DDX17: variants seen among roughly 807,000 people sequenced by gnomAD.
DDX17 encodes the protein probable ATP-dependent RNA helicase DDX17.
DDX17 carries 10 observed loss-of-function variants against 80.8 expected under a neutral mutation model. The ratio of observed to expected loss-of-function variants is 0.12; its 90% CI spans 0.08 to 0.21. DDX17 has a LOEUF of 0.21. Among genes scored for constraint, DDX17 ranks in the 10% least tolerant of loss-of-function variants. The pLI, the probability that DDX17 is intolerant of heterozygous loss-of-function variation, is 1.00. For missense variants in DDX17, 586 were observed against 957.4 expected, an observed-to-expected ratio of 0.61 and a Z score of 5.12; for synonymous variants, 339 against 336.2, an observed-to-expected ratio of 1.01 and a Z score of -0.09.
intron 6 of DDX17, 148 bp downstream of exon 6, chr22:38,495,648 A>T: frequency 1.7e-6 from 1 of 587,422 alleles, no homozygotes; most frequent in Non-Finnish European, 2.8e-6. Context: ...CTTCTCTCTC[A>T]AAATAGCTGT....
intron 2 of DDX17, 124 bp downstream of exon 2, chr22:38,501,006 T>C: frequency 7.6e-7 from 1 of 1,324,164 alleles, no homozygotes; most frequent in Admixed American, 3.2e-5. Flanking sequence ...AAAAAATTTT[T>C]TAAGAAAAAT....
At position 38,493,646 on chromosome 22, in the gene DDX17, C is replaced by T. The variant is rs2089734082; in HGVS notation, c.1387+64G>A. On this transcript the variant is annotated intron_variant, in intron 10 of 12. Transcript: ENST00000403230. ...AAGTTTGCCTATCCCTGAAATAGAG[C>T]ATGAACATTCACTTATGGGCAGGGG... 4.6e-6 allele frequency: 6 copies of T among 1,316,042 alleles called. No homozygotes were observed. In the Admixed American group the frequency reaches 8.7e-5, roughly 19 times the overall value. The allele number at this position is 1,316,042 out of a possible 1,614,324, so 81.5% of individuals were successfully genotyped here. A position where few individuals can be genotyped will look rare whatever the true frequency, so the allele number is the denominator to read the frequency against.
At position 38,486,077 on chromosome 22, in the gene DDX17, C is replaced by T; in HGVS notation, c.2048G>A (p.Gly683Asp). The change falls in exon 13 of 13, where the codon GGC becomes GAC. Residue 683 changes from glycine (G) to aspartate (D), a missense_variant. Physicochemically the swap from Gly to Asp is moderately conservative, Grantham distance 94 (BLOSUM62 -1). Transcript: ENST00000403230. ...TGGCTGTGGCTGCTGCCCAGACCGG[C>T]CTATCCCACTAAACTGCTGGCTAGA... 1.2e-6 allele frequency: 2 copies of T among 1,614,082 alleles called. No homozygotes were observed. The highest frequency in any genetic ancestry group is 8.5e-7 in the Non-Finnish European group (1 of 1,180,008).
At chr22:38,498,821 AG>A (rs1887401612) in intron 3 of DDX17, among the ~76,000 whole-genome samples, 1 of 152,188 alleles carries the variant, frequency 6.6e-6, no homozygotes, top group African/African-American at 2.4e-5. Context: ...GTTCCAGACC[AG>A]CCTGGTCAAC....
Position 38,506,281 on chromosome 22 carries a change from T to C in DDX17, c.-44A>G, listed in dbSNP as rs2089883859. 3.9e-6 allele frequency: 6 copies of C among 1,523,578 alleles called. No individual in the cohort carries two copies. The highest frequency in any genetic ancestry group is 5.3e-6 in the Non-Finnish European group (6 of 1,139,348). 94.4% of individuals were successfully genotyped at this position (1,523,578 alleles called of 1,614,324 possible). ...CGGGCAGTGCCGCGGTTTAGGCGTC[T>C]CCTTCCTTCCCAGCGACTGCACAAA... On this transcript the variant is annotated 5_prime_UTR_variant, in exon 1 of 13. Transcript: ENST00000403230.
intron 1 of DDX17, among the ~76,000 whole-genome samples, chr22:38,501,894 T>A (rs2089834343): frequency 6.6e-6 from 1 of 152,224 alleles, no homozygotes; most frequent in Non-Finnish European, 1.5e-5. Context: ...GTAACAGACA[T>A]GCAGGCAAAG....
At chr22:38,499,636 T>C (rs897178785) in intron 2 of DDX17, 137 bp from the exon 3 acceptor site, 4 of 669,656 alleles carry the variant, frequency 6.0e-6, no homozygotes, top group Non-Finnish European at 1.0e-5. Context: ...TACTTTCATG[T>C]GTATCACTTT....
intron 1 of DDX17, among the ~76,000 whole-genome samples, chr22:38,504,849 G>GCCT (rs1404344446): frequency 6.6e-6 from 1 of 152,066 alleles, no homozygotes; most frequent in Non-Finnish European, 1.5e-5. Context: ...GCTCACAAAA[G>GCCT]GTAGGATCTT....
At chr22:38,503,454 G>C (rs2089850450) in intron 1 of DDX17, among the ~76,000 whole-genome samples, 1 of 151,808 alleles carries the variant, frequency 6.6e-6, no homozygotes, top group Admixed American at 6.6e-5. Context: ...TACTTCCCTG[G>C]CTATTTATTC....
chr22:38,500,175 C>CAA (rs138451), intron 2 of DDX17, among the ~76,000 whole-genome samples: 114,616 of 132,040 alleles, frequency 0.87, 49,499 homozygotes, highest in South Asian at 0.92. Flanking sequence ...GACTTCACCT[C>CAA]AAAAAAAAAA....
chr22:38,504,103 C>G (rs977515260), intron 1 of DDX17, among the ~76,000 whole-genome samples: 3 of 152,182 alleles, frequency 2.0e-5, no homozygotes, highest in Non-Finnish European at 2.9e-5. Context: ...CTTGTAGCCC[C>G]TCTATGTGCC....
Position 38,486,155 on chromosome 22 carries a change from G to A in DDX17, c.1970C>T (p.Ala657Val). The stretch of plus-strand genomic sequence containing the variant: ...GGTGCTACTAGCTCCATAAGTGCCA[G>A]CACCATATTCTTGAGCTGTATAGCT... The change falls in exon 13 of 13, where the codon GCT becomes GTT. Residue 657 changes from alanine to valine, a missense_variant. Physicochemically the swap from Ala to Val is moderately conservative, Grantham distance 64. Transcript: ENST00000403230. 4.3e-6 allele frequency: 7 copies of A among 1,614,216 alleles called. No individual in the cohort carries two copies. Among genetic ancestry groups the A allele is most frequent in the Non-Finnish European group, 5.9e-6 (7 of 1,180,050 alleles).
chr22:38,505,871 G>T, intron 1 of DDX17, 80 bp downstream of exon 1: 1 of 1,486,540 alleles, frequency 6.7e-7, no homozygotes, highest in Non-Finnish European at 9.0e-7. Context: ...AGGCTCCCAG[G>T]CTCGCAGTCC....
At chr22:38,497,382 C>T (rs1013155428) in intron 5 of DDX17, among the ~76,000 whole-genome samples, 2 of 145,058 alleles carry the variant, frequency 1.4e-5, no homozygotes, top group Non-Finnish European at 1.5e-5. Flanking sequence ...CTTGGGGAGG[C>T]CGAGGCAGGC....
At position 38,484,642 on chromosome 22, in the gene DDX17, T is replaced by C. The variant is rs2089636677; in HGVS notation, c.*1293A>G. ...GAACACAATAGCAGAAAATTCTTTCTGGGTCCATCTGCTATAAAGTCTTGG... is the reference window on the plus strand; with the variant it reads ...GAACACAATAGCAGAAAATTCTTTCCGGGTCCATCTGCTATAAAGTCTTGG... On this transcript the variant is annotated 3_prime_UTR_variant, in exon 13 of 13. Coordinates refer to ENST00000403230, the MANE Select transcript of DDX17 (RefSeq NM_006386.5). 1 of 152,242 alleles carries C rather than the reference T, an allele frequency of 6.6e-6. No homozygotes were observed. The highest frequency in any genetic ancestry group is 1.9e-4 in the East Asian group (1 of 5,202). The allele number at this position is 152,242 out of a possible 1,614,324, so 9.4% of individuals were successfully genotyped here.
intron 5 of DDX17, among the ~76,000 whole-genome samples, chr22:38,496,697 G>A (rs538407940): frequency 6.6e-6 from 1 of 152,222 alleles, no homozygotes; most frequent in Non-Finnish European, 1.5e-5. Flanking sequence ...CTGGCAGAAT[G>A]ACACATTCCT....
Position 38,489,101 on chromosome 22 carries a change from CAA to C in DDX17, c.1448-988_1448-987del. The C allele has an allele frequency of 1.0e-6, 1 of 984,100 alleles. No homozygotes were observed. Among genetic ancestry groups the C allele is most frequent in the Non-Finnish European group, 1.2e-6 (1 of 828,782 alleles). 61.0% of individuals were successfully genotyped at this position (984,100 alleles called of 1,614,324 possible). On this transcript the variant is annotated intron_variant, in intron 11 of 12. Coordinates refer to ENST00000403230, the MANE Select transcript of DDX17 (RefSeq NM_006386.5). The surrounding 1 kb of genome is among the most constrained non-coding windows in gnomAD (Gnocchi z 4.6). ...TAAACAAACAATTTTAAGAATATAA[CAA>C]AGAATCCTACTGTTTTGTGGAAAAA... is the stretch of plus-strand genomic sequence containing the variant.
intron 3 of DDX17, among the ~76,000 whole-genome samples, chr22:38,498,921 A>G (rs905072657): frequency 6.6e-6 from 1 of 152,198 alleles, no homozygotes; most frequent in Non-Finnish European, 1.5e-5. Flanking sequence ...AGGGTGAAGC[A>G]GAATCGCATG....
intron 8 of DDX17, chr22:38,494,350 C>CCATTTCACAGATGAAGAAA: frequency 3.4e-6 from 2 of 586,534 alleles, no homozygotes; most frequent in Non-Finnish European, 5.9e-6. Flanking sequence ...GGTATTACTC[C>CCATTTCACAGATGAAGAAA]CATTTCACAG....
Sources: allele counts gnomAD v4.1 joint callset (sites outside exome capture counted in the v4.1 genomes callset), GRCh38; gene constraint gnomAD v4.1.1; non-coding constraint Gnocchi (gnomAD v3.1); transcripts MANE v1.5; gene names NCBI Gene and HGNC (gene_info 2026-07-23, HGNC 2026-07-21).